The following MYMK variants were observed in gnomAD, a reference collection of about 807,000 sequenced individuals.
MYMK encodes protein myomaker.
Under a neutral mutation model 22.4 loss-of-function variants are expected in MYMK, and 16 were observed. That is an observed-to-expected ratio of 0.72 (90% confidence interval 0.48 to 1.09). The LOEUF is 1.09. MYMK is among the 50% of genes least tolerant of loss of function. The probability of loss-of-function intolerance (pLI) is 0.00; values close to 1 mark genes in which losing one functional copy is unlikely to be tolerated. For synonymous variants in MYMK, 125 were observed against 127.0 expected (o/e 0.98, Z 0.11); for missense variants, 250 against 295.6 (o/e 0.85, Z 1.13).
chr9:133,518,946 G>A lies in MYMK; in HGVS notation c.327C>T (p.Tyr109=), dbSNP rs148892363. Residue 109 remains tyrosine (Y), a synonymous_variant, in exon 3 of 5, where the codon TAC becomes TAT. Coordinates refer to ENST00000339996, the MANE Select transcript of MYMK (RefSeq NM_001080483.3). ...ACACCCCGTAGCCCCATCGGTCATG[G>A]TAGATCCGCACAGCAATGGTCAGGA... The part of the protein sequence containing the change: ...FGVLTIAVRI[Y]HDRWGYGVYS... 6.2e-5 allele frequency: 100 copies of A among 1,613,940 alleles called. 1 individual carries two copies. In the Middle Eastern group the frequency reaches 4.6e-3, roughly 75 times the overall value.
At chr9:133,520,732 G>A (rs1844694005) in intron 1 of MYMK, among the ~76,000 whole-genome samples, 1 of 152,172 alleles carries the variant, frequency 6.6e-6, no homozygotes, top group Non-Finnish European at 1.5e-5. Flanking sequence ...TTGGATGTGA[G>A]GTCAGAGCCT....
chr9:133,516,921 A>G (rs1027146314), intron 3 of MYMK, among the ~76,000 whole-genome samples: 1 of 152,238 alleles, frequency 6.6e-6, no homozygotes, highest in Non-Finnish European at 1.5e-5. Context: ...CCCTCATTCC[A>G]GGAAACAATT....
intron 3 of MYMK, among the ~76,000 whole-genome samples, chr9:133,518,265 T>C (rs1289913071): frequency 6.6e-6 from 1 of 152,198 alleles, no homozygotes; most frequent in African/African-American, 2.4e-5. Context: ...CAGGGAGCAC[T>C]GAAGACCACG....
chr9:133,521,415 G>A (rs1844701561), intron 1 of MYMK, among the ~76,000 whole-genome samples: 1 of 152,148 alleles, frequency 6.6e-6, no homozygotes, highest in South Asian at 2.1e-4. Flanking sequence ...AGGGAGCGGG[G>A]GCCCTGGGTG....
chr9:133,518,771 T>C, intron 3 of MYMK, 103 bp downstream of exon 3: 1 of 1,453,514 alleles, frequency 6.9e-7, no homozygotes, highest in Non-Finnish European at 9.2e-7. Flanking sequence ...CATTTGCCTA[T>C]GAGGGCAGGA....
In MYMK at chr9:133,515,532, A is replaced by C. The variant is rs1844621398; in HGVS notation, c.475T>G (p.Cys159Gly). ...AGCATCAGGGCCAGCGCCCCGAAGC[A>C]GAGGCCGGGGCCTATCTGCTGGGTG... The part of the protein sequence containing the change: ...VYTQQIGPGL[C>G]FGALALMLRF... Residue 159 changes from cysteine to glycine, a missense_variant, in exon 4 of 5, where the codon TGC becomes GGC. Transcript: ENST00000339996. This position sits in a 1 kb window ranked among gnomAD's most constrained non-coding sequence, Gnocchi z 5.8. 1.1e-5 allele frequency: 18 copies of C among 1,613,770 alleles called. No individual in the cohort carries two copies. Among genetic ancestry groups the C allele is most frequent in the Admixed American group, 1.7e-5 (1 of 59,986 alleles).
intron 1 of MYMK, among the ~76,000 whole-genome samples, chr9:133,521,553 C>A (rs566697039): frequency 4.6e-5 from 7 of 152,190 alleles, no homozygotes; most frequent in Non-Finnish European, 8.8e-5. Context: ...AGGGAGGCGG[C>A]GGTCCTGCTT....
chr9:133,516,186 C>T lies in MYMK; in HGVS notation c.400-579G>A, dbSNP rs566263699. On this transcript the variant is annotated intron_variant, in intron 3 of 4. Transcript: ENST00000339996. ...TCCACTTACAGAGGGGTTTGCATTC[C>T]GAGGAAGATGCGGGAAGTGTGGGGC... is the stretch of plus-strand genomic sequence containing the variant. Among the ~76,000 whole-genome samples, 13 of 152,350 alleles carry T rather than the reference C, an allele frequency of 8.5e-5. No homozygotes were observed. In the South Asian group the frequency reaches 1.2e-3, roughly 15 times the overall value.
At position 133,515,346 on chromosome 9, in the gene MYMK, G is replaced by A. The variant is rs988950633; in HGVS notation, c.516+145C>T. On this transcript the variant is annotated intron_variant, in intron 4 of 4. Coordinates refer to ENST00000339996, the MANE Select transcript of MYMK (RefSeq NM_001080483.3). This position sits in a 1 kb window ranked among gnomAD's most constrained non-coding sequence, Gnocchi z 5.8. The stretch of plus-strand genomic sequence containing the variant: ...TTGCCCCCGACATAGCCCTGGGAGG[G>A]GCTAGTGAGCAGGGACTAATACCAG... 2.0e-5 allele frequency: 13 copies of A among 657,928 alleles called. No individual in the cohort carries two copies. In the African/African-American group the frequency reaches 2.2e-4, roughly 11 times the overall value. The allele number at this position is 657,928 out of a possible 1,614,324, so 40.8% of individuals were successfully genotyped here. A position where few individuals can be genotyped will look rare whatever the true frequency, so the allele number is the denominator to read the frequency against.
At chr9:133,523,669 T>TGGAGAG (rs1472501583) in intron 1 of MYMK, among the ~76,000 whole-genome samples, 4 of 112,794 alleles carry the variant, frequency 3.5e-5, no homozygotes, top group African/African-American at 1.5e-4. Flanking sequence ...GATGCGTAGA[T>TGGAGAG]AGAGAGATAG....
In MYMK at chr9:133,518,867, T is replaced by C. The variant is rs1274167300; in HGVS notation, c.399+7A>G. 1.2e-6 allele frequency: 2 copies of C among 1,610,924 alleles called. No individual in the cohort carries two copies. Among genetic ancestry groups the C allele is most frequent in the East Asian group, 4.5e-5 (2 of 44,824 alleles). ...TCCCCGTTCATCGAGGCTCGCGCAG[T>C]ACGCACCCACTTTGCCGCGATGATG... On this transcript the variant is annotated splice_region_variant and intron_variant, in intron 3 of 4. Transcript: ENST00000339996.
chr9:133,523,682 G>GGAGAGA (rs35845164), intron 1 of MYMK, among the ~76,000 whole-genome samples: 3,510 of 121,346 alleles, frequency 0.029, 85 homozygotes, highest in Non-Finnish European at 0.031. Flanking sequence ...AGAGATAGAT[G>GGAGAGA]GAGAGAGAGA....
chr9:133,514,697 G>C lies in MYMK; in HGVS notation c.605C>G (p.Ala202Gly). The change falls in exon 5 of 5, where the codon GCT becomes GGT. Residue 202 changes from alanine to glycine, a missense_variant. Physicochemically the swap from Ala to Gly is moderately conservative, Grantham distance 60. Transcript: ENST00000339996. ...VLLLPKVNKK[A>G]GSPGTPAKLD... is the part of the protein sequence containing the mutation. ...CTTGGCCGGGGTCCCCGGGGATCCA[G>C]CCTTCTTGTTGACCTTGGGCAGCAG... The C allele has an allele frequency of 6.2e-7, 1 of 1,614,078 alleles. No homozygotes were observed. The highest frequency in any genetic ancestry group is 8.5e-7 in the Non-Finnish European group (1 of 1,179,922).
At chr9:133,522,259 G>T (rs574231069) in intron 1 of MYMK, among the ~76,000 whole-genome samples, 1 of 152,218 alleles carries the variant, frequency 6.6e-6, no homozygotes, top group East Asian at 1.9e-4. Context: ...GGTGGGTGCG[G>T]CTGAGGGCCT....
At position 133,516,976 on chromosome 9, in the gene MYMK, G is replaced by C. The variant is rs181419915; in HGVS notation, c.400-1369C>G. Among the ~76,000 whole-genome samples the C allele has an allele frequency of 4.6e-5, 7 of 152,266 alleles. No homozygotes were observed. In the East Asian group the frequency reaches 1.2e-3, roughly 25 times the overall value. ...AAACTCCATACTAAATGGTCTAGAA[G>C]ACAACAATTTGAGCCCCAGATGCGG... On this transcript the variant is annotated intron_variant, in intron 3 of 4. Coordinates refer to ENST00000339996, the MANE Select transcript of MYMK (RefSeq NM_001080483.3).
At position 133,524,702 on chromosome 9, in the gene MYMK, A is replaced by C. The variant is rs778993722; in HGVS notation, c.135+8T>G. 1.9e-6 allele frequency: 3 copies of C among 1,614,152 alleles called. No homozygotes were observed. The South Asian group carries it at 3.3e-5, about 18-fold the overall frequency. On this transcript the variant is annotated splice_region_variant and intron_variant, in intron 1 of 4. Transcript: ENST00000339996. ...TGTGTGGGACTTCCTCCCAGCCCCC[A>C]GACTCACCGCCACGAAGAACAGGGT...
intron 1 of MYMK, among the ~76,000 whole-genome samples, 197 bp downstream of exon 1, chr9:133,524,513 G>T (rs1176725649): frequency 6.6e-6 from 1 of 152,154 alleles, no homozygotes; most frequent in African/African-American, 2.4e-5. Flanking sequence ...GGCACAGATG[G>T]GAAAACTGAG....
At chr9:133,516,160 T>G (rs939093749) in intron 3 of MYMK, among the ~76,000 whole-genome samples, 1 of 152,240 alleles carries the variant, frequency 6.6e-6, no homozygotes, top group African/African-American at 2.4e-5. Context: ...GCGTGGGCGT[T>G]TCCACTTACA....
intron 2 of MYMK, among the ~76,000 whole-genome samples, 179 bp from the exon 3 acceptor site, chr9:133,519,201 G>A (rs1464460923): frequency 4.0e-5 from 6 of 151,684 alleles, no homozygotes; most frequent in Non-Finnish European, 7.4e-5. Context: ...CAGCCAGTTT[G>A]AGAGGACAGG....
Sources: gnomAD v4.1 joint callset for allele counts (sites outside exome capture counted in the v4.1 genomes callset) on GRCh38, gnomAD v4.1.1 for gene constraint, Gnocchi (gnomAD v3.1) non-coding constraint, MANE v1.5 for transcripts, NCBI Gene and HGNC (gene_info 2026-07-23, HGNC 2026-07-21) for gene names.